Variants in HMGXB3 observed in about 807,000 individuals in gnomAD.
HMGXB3 encodes HMG-box containing 3, also known as HMG domain-containing protein 3.
HMGXB3 carries 45 observed loss-of-function variants against 121.5 expected under a neutral mutation model. The ratio of observed to expected loss-of-function variants is 0.37; its 90% CI spans 0.29 to 0.47. The LOEUF (loss-of-function observed/expected upper bound fraction) is 0.47. Ranked by LOEUF, HMGXB3 falls within the 20% of genes least tolerant of loss-of-function variation. The probability of loss-of-function intolerance (pLI) is 0.99; values close to 1 mark genes in which losing one functional copy is unlikely to be tolerated. For missense variants in HMGXB3, 1,376 were observed against 1,602.2 expected (o/e 0.86, Z 2.41); for synonymous variants, 590 against 624.1 (o/e 0.95, Z 0.81).
intron 9 of HMGXB3, among the ~76,000 whole-genome samples, chr5:150,028,741 A>AT (rs1331704456): frequency 6.7e-6 from 1 of 149,464 alleles, no homozygotes; most frequent in Admixed American, 6.7e-5. Flanking sequence ...TAATTTTTAA[A>AT]TTTTTTTTGT....
intron 8 of HMGXB3, 66 bp downstream of exon 8, chr5:150,026,947 T>G (rs1756246110): frequency 3.3e-6 from 5 of 1,529,464 alleles, no homozygotes; most frequent in Non-Finnish European, 4.4e-6. Flanking sequence ...AGTGGGGGGT[T>G]GAGAACGGAC....
At chr5:150,029,346 T>TTC (rs34141274) in intron 9 of HMGXB3, among the ~76,000 whole-genome samples, 1 of 151,648 alleles carries the variant, frequency 6.6e-6, no homozygotes, top group African/African-American at 2.4e-5. Flanking sequence ...TTTTTTTTTT[T>TTC]CATGTCAAAT....
rs374063819 is a variant in HMGXB3, at chr5:150,041,964, G to T, written c.2725G>T (p.Val909Leu). Residue 909 changes from valine to leucine, a missense_variant, in exon 15 of 20, where the codon GTG becomes TTG. Around this residue, in one of 2 missense-constraint regions of HMGXB3, gnomAD observed 1,116 missense variants for 1,369.0 expected, o/e 0.82. Coordinates refer to ENST00000502717, the MANE Select transcript of HMGXB3 (RefSeq NM_014983.3). The stretch of plus-strand genomic sequence containing the variant: ...AGAGAATGTGCTAGCACTGAAGAGC[G>T]TGGAGGTAAGTGCCTCTTAGCCACC... ...SEENVLALKS[V>L]EFTWPEFLGS... 6 of 1,550,414 alleles carry T rather than the reference G, an allele frequency of 3.9e-6. No individual in the cohort carries two copies. Among genetic ancestry groups the T allele is most frequent in the South Asian group, 1.2e-5 (1 of 84,020 alleles).
At position 150,050,234 on chromosome 5, in the gene HMGXB3, C is replaced by A. The variant is rs1333059288; in HGVS notation, c.3202-18C>A. ...GGCTTCCTAATTAACCCTGCGCCCC[C>A]CACCCTTCATCTCCCAGGTGGTCTG... On this transcript the variant is annotated intron_variant, in intron 18 of 19. Coordinates refer to ENST00000502717, the MANE Select transcript of HMGXB3 (RefSeq NM_014983.3). 1.3e-6 allele frequency: 2 copies of A among 1,549,530 alleles called. No homozygotes were observed. The highest frequency in any genetic ancestry group is 1.7e-6 in the Non-Finnish European group (2 of 1,145,096).
chr5:150,022,937 A>G (rs1756136601), intron 6 of HMGXB3, among the ~76,000 whole-genome samples: 1 of 148,598 alleles, frequency 6.7e-6, no homozygotes, highest in Non-Finnish European at 1.5e-5. Context: ...CAGCCTCTCG[A>G]GTAGCTGGGA....
chr5:150,043,298 T>C (rs901010381), intron 15 of HMGXB3, among the ~76,000 whole-genome samples: 2 of 149,070 alleles, frequency 1.3e-5, no homozygotes, highest in Admixed American at 1.3e-4. Flanking sequence ...TGCTATGAGG[T>C]CTGGTCTACA....
At chr5:150,013,014 C>A (rs925180721) in intron 5 of HMGXB3, among the ~76,000 whole-genome samples, 1 of 152,172 alleles carries the variant, frequency 6.6e-6, no homozygotes, top group East Asian at 1.9e-4. Context: ...GGGTTTCCTA[C>A]AAAGTTAATC....
chr5:150,009,890 G>A lies in HMGXB3; in HGVS notation c.313-221G>A, dbSNP rs1362461248. 2.0e-5 allele frequency among the ~76,000 whole-genome samples: 3 copies of A among 152,178 alleles called. No individual in the cohort carries two copies. In the East Asian group the frequency reaches 5.8e-4, roughly 29 times the overall value. Reference sequence around the variant, plus strand: ...TCCATGCTGTTTCCTGTGTGACTGAGTGAATAAGCTACATTGGCTAAAGTG... The same window carrying A: ...TCCATGCTGTTTCCTGTGTGACTGAATGAATAAGCTACATTGGCTAAAGTG... On this transcript the variant is annotated intron_variant, in intron 3 of 19. Coordinates refer to ENST00000502717, the MANE Select transcript of HMGXB3 (RefSeq NM_014983.3).
Position 150,040,138 on chromosome 5 carries a change from C to CT in HMGXB3, c.2414-602dup, listed in dbSNP as rs554799913. Among the ~76,000 whole-genome samples, 121 of 151,662 alleles carry CT rather than the reference C, an allele frequency of 8.0e-4. No individual in the cohort carries two copies. In the South Asian group the frequency reaches 0.021, roughly 27 times the overall value. On this transcript the variant is annotated intron_variant, in intron 13 of 19. Coordinates refer to ENST00000502717, the MANE Select transcript of HMGXB3 (RefSeq NM_014983.3). Reference sequence around the variant, plus strand: ...TGAGCTGGGTGGGAAGAAAGTGTTCCTTTTTTTTATTGGGGGAAAAAGATC... The same window carrying CT: ...TGAGCTGGGTGGGAAGAAAGTGTTCCTTTTTTTTTATTGGGGGAAAAAGATC...
chr5:150,037,606 C>T (rs1335269203), intron 13 of HMGXB3, 79 bp downstream of exon 13: 1 of 1,254,998 alleles, frequency 8.0e-7, no homozygotes, highest in East Asian at 3.0e-5. Context: ...ACCTCTGGCC[C>T]TTTGAGGACT....
At chr5:150,018,294 G>C (rs77636316) in intron 5 of HMGXB3, among the ~76,000 whole-genome samples, 1 of 152,302 alleles carries the variant, frequency 6.6e-6, no homozygotes, top group East Asian at 1.9e-4. Flanking sequence ...GTGGTGCCTA[G>C]CTCAATGCAT....
intron 11 of HMGXB3, among the ~76,000 whole-genome samples, chr5:150,035,883 C>G (rs569673577): frequency 6.6e-6 from 1 of 152,192 alleles, no homozygotes; most frequent in South Asian, 2.1e-4. Flanking sequence ...AGACAGATAA[C>G]TTTAAGCAGT....
At chr5:150,024,881 A>G (rs1410890736) in intron 7 of HMGXB3, among the ~76,000 whole-genome samples, 1 of 152,226 alleles carries the variant, frequency 6.6e-6, no homozygotes, top group African/African-American at 2.4e-5. Flanking sequence ...CTGTCAGATT[A>G]CTTACACATC....
Position 150,026,860 on chromosome 5 carries a change from A to AGG in HMGXB3, c.1616_1617dup (p.Gln540GlyfsTer6). On this transcript the variant is annotated frameshift_variant, in exon 8 of 20. Coordinates refer to ENST00000502717, the MANE Select transcript of HMGXB3 (RefSeq NM_014983.3). LOFTEE classifies it high-confidence loss of function. ...CAGCAGCATGGGACTGCCCAGGGCCAGGCAGGCCTTTTCCCTGAGTGGTAA... is the reference window on the plus strand; with the variant it reads ...CAGCAGCATGGGACTGCCCAGGGCCAGGGGCAGGCCTTTTCCCTGAGTGGTAA... 6.6e-7 allele frequency: 1 copy of AGG among 1,515,398 alleles called. No homozygotes were observed. The highest frequency in any genetic ancestry group is 8.8e-7 in the Non-Finnish European group (1 of 1,130,070). The allele number at this position is 1,515,398 out of a possible 1,614,324, so 93.9% of individuals were successfully genotyped here. A position where few individuals can be genotyped will look rare whatever the true frequency, so the allele number is the denominator to read the frequency against.
At chr5:150,036,988 A>G in intron 12 of HMGXB3, 51 bp downstream of exon 12, 1 of 1,415,764 alleles carries the variant, frequency 7.1e-7, no homozygotes. Flanking sequence ...TTTGGCTCAT[A>G]CTGCTCTTTT....
chr5:150,029,322 G>T, intron 9 of HMGXB3, among the ~76,000 whole-genome samples: 1 of 142,008 alleles, frequency 7.0e-6, no homozygotes, highest in Admixed American at 7.1e-5. Flanking sequence ...AGCTAGAATA[G>T]TTATCAAGTT....
intron 11 of HMGXB3, among the ~76,000 whole-genome samples, chr5:150,034,392 G>A (rs564650831): frequency 1.3e-5 from 2 of 152,238 alleles, no homozygotes; most frequent in Non-Finnish European, 2.9e-5. Context: ...ATAGAATTGA[G>A]TTCTGTGTAG....
chr5:150,017,447 A>G (rs1280706113), intron 5 of HMGXB3, among the ~76,000 whole-genome samples: 3 of 152,218 alleles, frequency 2.0e-5, no homozygotes, highest in Non-Finnish European at 4.4e-5. Flanking sequence ...TAAAATAGGA[A>G]GAACAGGCGA....
chr5:150,044,010 G>T (rs1453431487), intron 15 of HMGXB3, among the ~76,000 whole-genome samples: 2 of 152,156 alleles, frequency 1.3e-5, no homozygotes, highest in East Asian at 3.8e-4. Context: ...CCATCTCCTA[G>T]TCCTGCCTGG....
Sources: allele counts gnomAD v4.1 joint callset (sites outside exome capture counted in the v4.1 genomes callset), GRCh38; gene constraint gnomAD v4.1.1; regional missense constraint gnomAD v4.1.1; transcripts MANE v1.5; gene names NCBI Gene and HGNC (gene_info 2026-07-23, HGNC 2026-07-21).